SPTBN1: variants seen among roughly 807,000 people sequenced by gnomAD.
SPTBN1 encodes spectrin beta, non-erythrocytic 1.
SPTBN1 carries 32 observed loss-of-function variants against 266.4 expected under a neutral mutation model. The ratio of observed to expected loss-of-function variants is 0.12; its 90% CI spans 0.09 to 0.16. The LOEUF is 0.16. Among genes scored for constraint, SPTBN1 ranks in the 10% least tolerant of loss-of-function variants. The pLI is 1.00. For missense variants in SPTBN1, 2,296 were observed against 3,067.1 expected (o/e 0.75, Z 5.94); for synonymous variants, 1,336 against 1,162.2 (o/e 1.15, Z -3.04).
At chr2:54,581,169 A>G (rs1484090242) in intron 2 of SPTBN1, among the ~76,000 whole-genome samples, 3 of 152,158 alleles carry the variant, frequency 2.0e-5, no homozygotes, top group Admixed American at 6.5e-5. Flanking sequence ...CTCATACAAC[A>G]TGTTTTGAAA....
At chr2:54,655,007 A>G in intron 27 of SPTBN1, 63 bp from the exon 28 acceptor site, 1 of 1,548,322 alleles carries the variant, frequency 6.5e-7, no homozygotes, top group Non-Finnish European at 8.7e-7. Flanking sequence ...TGTGTGTTTT[A>G]AAACCTACAC....
At chr2:54,593,579 G>A (rs113451022) in intron 2 of SPTBN1, among the ~76,000 whole-genome samples, 4,023 of 152,082 alleles carry the variant, frequency 0.026, 177 homozygotes, top group African/African-American at 0.089. Flanking sequence ...TTGCAAAGAG[G>A]GGATGGTGAG....
In SPTBN1 at chr2:54,612,315, C is replaced by A; in HGVS notation, c.455C>A (p.Thr152Asn). The A allele has an allele frequency of 6.2e-7, 1 of 1,613,018 alleles. No homozygotes were observed. Among genetic ancestry groups the A allele is most frequent in the Non-Finnish European group, 8.5e-7 (1 of 1,179,258 alleles). The change falls in exon 4 of 36, where the codon ACC (threonine) becomes AAC (asparagine). Residue 152 changes from threonine (T) to asparagine (N), a missense_variant. This residue lies in a region of SPTBN1 where 178 missense variants were observed against 375.7 expected (regional missense o/e 0.47). Coordinates refer to ENST00000356805, the MANE Select transcript of SPTBN1 (RefSeq NM_003128.3). Reference protein sequence around the residue: ...NHRLTLGLIWTIILRFQIQDI... With the variant: ...NHRLTLGLIWNIILRFQIQDI... ...CGGCTGACCCTTGGCCTCATCTGGA[C>A]CATCATCCTGCGCTTCCAGGTAAGG...
rs1277983527 is a variant in SPTBN1 at position 54,554,517 on chromosome 2, T to G, written c.148+27951T>G. On this transcript the variant is annotated intron_variant, in intron 2 of 35. Coordinates refer to ENST00000356805, the MANE Select transcript of SPTBN1 (RefSeq NM_003128.3). The surrounding 1 kb of genome is among the most constrained non-coding windows in gnomAD (Gnocchi z 4.5). ...TGGGACTGCAGTTAGAAGTGGGACC[T>G]AAGCAGGGTGAACCCAAATCACTAA... 6.6e-6 allele frequency among the ~76,000 whole-genome samples: 1 copy of G among 152,230 alleles called. No individual in the cohort carries two copies. Among genetic ancestry groups the G allele is most frequent in the Admixed American group, 6.5e-5 (1 of 15,286 alleles).
intron 1 of SPTBN1, among the ~76,000 whole-genome samples, chr2:54,485,626 C>T (rs371318239): frequency 1.3e-5 from 2 of 151,646 alleles, no homozygotes; most frequent in Non-Finnish European, 2.9e-5. Context: ...ATCTGGGAAG[C>T]GAGGAGCGTC....
At position 54,645,565 on chromosome 2, in the gene SPTBN1, A is replaced by C; in HGVS notation, c.4494+112A>C. 8.9e-7 allele frequency: 1 copy of C among 1,129,728 alleles called. No individual in the cohort carries two copies. Among genetic ancestry groups the C allele is most frequent in the Non-Finnish European group, 1.3e-6 (1 of 791,768 alleles). The allele number at this position is 1,129,728 out of a possible 1,614,324, so 70.0% of individuals were successfully genotyped here. ...CACCTTGGGCCACGTTGGCAAGCTG[A>C]GCTGCCAAAGTCCACGCTCTGGATG... is the stretch of plus-strand genomic sequence containing the variant. On this transcript the variant is annotated intron_variant, in intron 21 of 35. Coordinates refer to ENST00000356805, the MANE Select transcript of SPTBN1 (RefSeq NM_003128.3). This position sits in a 1 kb window ranked among gnomAD's most constrained non-coding sequence, Gnocchi z 4.3.
intron 18 of SPTBN1, among the ~76,000 whole-genome samples, chr2:54,642,528 A>AATTT (rs1553349780): frequency 4.8e-5 from 3 of 62,740 alleles, no homozygotes; most frequent in African/African-American, 1.8e-4. Context: ...ATAAATAAGT[A>AATTT]GTTTTTTTTT....
Position 54,645,204 on chromosome 2 carries a change from G to C in SPTBN1, c.4270-25G>C. On this transcript the variant is annotated intron_variant, in intron 20 of 35. Transcript: ENST00000356805. This position sits in a 1 kb window ranked among gnomAD's most constrained non-coding sequence, Gnocchi z 4.3. ...CTGCAAAAGATAGTCTGTGCTGAGC[G>C]CTGAGGCTGCTTCTCTGCCCTCAGA... 6.2e-7 allele frequency: 1 copy of C among 1,612,260 alleles called. No homozygotes were observed. The highest frequency in any genetic ancestry group is 1.1e-5 in the South Asian group (1 of 91,018).
intron 1 of SPTBN1, among the ~76,000 whole-genome samples, chr2:54,505,709 C>G (rs1306960730): frequency 6.6e-6 from 1 of 152,226 alleles, no homozygotes; most frequent in Non-Finnish European, 1.5e-5. Flanking sequence ...GGTGATTTAA[C>G]TTGGCGTCTA....
At chr2:54,492,251 G>C (rs1231351308) in intron 1 of SPTBN1, among the ~76,000 whole-genome samples, 2 of 150,214 alleles carry the variant, frequency 1.3e-5, no homozygotes, top group Non-Finnish European at 3.0e-5. Context: ...AAATTGTTTT[G>C]AAAACACTTT....
intron 1 of SPTBN1, among the ~76,000 whole-genome samples, chr2:54,509,982 G>A (rs918326988): frequency 2.0e-5 from 3 of 149,622 alleles, no homozygotes; most frequent in Non-Finnish European, 3.0e-5. Flanking sequence ...TTAATGATAA[G>A]GGGTCTCACT....
chr2:54,631,452 C>T lies in SPTBN1; in HGVS notation c.3405C>T (p.Ala1135=). The T allele has an allele frequency of 6.2e-7, 1 of 1,614,248 alleles. No homozygotes were observed. The highest frequency in any genetic ancestry group is 1.6e-4 in the Middle Eastern group (1 of 6,062). Residue 1135 remains alanine, a synonymous_variant, in exon 16 of 36, where the codon GCC becomes GCT. Coordinates refer to ENST00000356805, the MANE Select transcript of SPTBN1 (RefSeq NM_003128.3). ...TGGTCACCCAGGGGCAGACCGATGC[C>T]CAGTACATGTTTCTGCGGCAGCGGC... The part of the protein sequence containing the change: ...GEMVTQGQTD[A]QYMFLRQRLQ...
Position 54,578,749 on chromosome 2 carries a change from G to GGTGT in SPTBN1, c.149-20317_149-20314dup, listed in dbSNP as rs34536803. Among the ~76,000 whole-genome samples the GGTGT allele has an allele frequency of 8.8e-3, 1,298 of 147,612 alleles. 8 individuals carry two copies. Among genetic ancestry groups the GGTGT allele is most frequent in the East Asian group, 0.026 (130 of 5,032 alleles). On this transcript the variant is annotated intron_variant, in intron 2 of 35. Transcript: ENST00000356805. The stretch of plus-strand genomic sequence containing the variant: ...GGCCTAGGCAAGTGTCTTCTGATGG[G>GGTGT]GTGTGTGTGTGTGTGTGTGTGTGTG...
chr2:54,466,701 T>G (rs1418156681), intron 1 of SPTBN1, among the ~76,000 whole-genome samples: 1 of 152,024 alleles, frequency 6.6e-6, no homozygotes, highest in Non-Finnish European at 1.5e-5. Flanking sequence ...TATTTTTTTC[T>G]CCATATTTTT....
chr2:54,567,320 A>G (rs1055628956), intron 2 of SPTBN1, among the ~76,000 whole-genome samples: 2 of 152,046 alleles, frequency 1.3e-5, no homozygotes, highest in African/African-American at 4.8e-5. Flanking sequence ...GTGGGAAGGT[A>G]CTGGAGGATT....
At chr2:54,608,979 T>C (rs1296288022) in intron 3 of SPTBN1, among the ~76,000 whole-genome samples, 1 of 152,174 alleles carries the variant, frequency 6.6e-6, no homozygotes, top group Non-Finnish European at 1.5e-5. Context: ...TGGATCATCA[T>C]AAATGTCTTC....
intron 2 of SPTBN1, among the ~76,000 whole-genome samples, chr2:54,576,663 G>A (rs1240709817): frequency 2.0e-5 from 3 of 152,144 alleles, no homozygotes; most frequent in Non-Finnish European, 2.9e-5. Context: ...TGACTTTTTA[G>A]AACCCATTTT....
At chr2:54,487,019 A>G (rs1457978887) in intron 1 of SPTBN1, among the ~76,000 whole-genome samples, 3 of 152,150 alleles carry the variant, frequency 2.0e-5, no homozygotes, top group African/African-American at 7.2e-5. Flanking sequence ...GCAATATAAT[A>G]ATGTCATCTT....
Position 54,628,978 on chromosome 2 carries a change from A to C in SPTBN1, c.1844A>C (p.His615Pro), listed in dbSNP as rs746024075. The change falls in exon 14 of 36, where the codon CAC (histidine) becomes CCC (proline). Residue 615 changes from histidine (H) to proline (P), a missense_variant. By Grantham distance (77) the His-to-Pro change is moderately conservative. Transcript: ENST00000356805. This position sits in a 1 kb window ranked among gnomAD's most constrained non-coding sequence, Gnocchi z 4.3. ...CAGGTGATCCGAGACCGCGTGGCCC[A>C]CATGGAGTTCTGTTATCAAGAGCTT... ...DPQVIRDRVA[H>P]MEFCYQELCQ... is the part of the protein sequence containing the mutation. 6.2e-7 allele frequency: 1 copy of C among 1,613,520 alleles called. No homozygotes were observed.
Sources: allele counts gnomAD v4.1 joint callset (sites outside exome capture counted in the v4.1 genomes callset), GRCh38; gene constraint gnomAD v4.1.1; regional missense constraint gnomAD v4.1.1; non-coding constraint Gnocchi (gnomAD v3.1); transcripts MANE v1.5; gene names NCBI Gene and HGNC (gene_info 2026-07-23, HGNC 2026-07-21).